Variants in CDH13 observed in about 807,000 individuals in gnomAD.
CDH13 encodes the protein cadherin 13, also known as cadherin-13.
A neutral mutation model predicts 63.8 loss-of-function variants in CDH13; 24 were observed. The observed-to-expected ratio is 0.38, with a 90% CI of 0.27 to 0.53. CDH13 has a LOEUF of 0.53. CDH13 is among the 20% of genes least tolerant of loss of function. The pLI is 0.85. For missense variants in CDH13, 1,049 were observed against 903.1 expected, an observed-to-expected ratio of 1.16 and a Z score of -2.07; for synonymous variants, 503 against 355.3, an observed-to-expected ratio of 1.42 and a Z score of -4.67.
intron 6 of CDH13, among the ~76,000 whole-genome samples, chr16:83,373,260 G>A (rs2091404551): frequency 6.6e-6 from 1 of 152,182 alleles, no homozygotes; most frequent in South Asian, 2.1e-4. Context: ...GTTACAAAGG[G>A]GAATTGCAAA....
At chr16:83,445,102 G>C (rs2072636382) in intron 6 of CDH13, among the ~76,000 whole-genome samples, 1 of 152,026 alleles carries the variant, frequency 6.6e-6, no homozygotes, top group Admixed American at 6.6e-5. Flanking sequence ...CATGGCAGTG[G>C]AGTCTGAATA....
In CDH13 at chr16:83,577,160, T is replaced by A. The variant is rs1910192418; in HGVS notation, c.961-25294T>A. On this transcript the variant is annotated intron_variant, in intron 7 of 13. Coordinates refer to ENST00000567109, the MANE Select transcript of CDH13 (RefSeq NM_001257.5). ...CTTTCACTTCCATCCAAGCATCAGGTCACATGGTGCCGTCATAGCTGCAGA... is the reference window on the plus strand; with the variant it reads ...CTTTCACTTCCATCCAAGCATCAGGACACATGGTGCCGTCATAGCTGCAGA... Among the ~76,000 whole-genome samples, 3 of 152,178 alleles carry A rather than the reference T, an allele frequency of 2.0e-5. 1 individual carries two copies. In the South Asian group the frequency reaches 6.2e-4, roughly 31 times the overall value.
chr16:83,719,132 T>C (rs1909339614), intron 10 of CDH13, among the ~76,000 whole-genome samples: 2 of 152,210 alleles, frequency 1.3e-5, no homozygotes, highest in African/African-American at 2.4e-5. Flanking sequence ...CTTCTGCCTC[T>C]CTTTCAGACA....
At chr16:83,390,456 C>CTT (rs113553312) in intron 6 of CDH13, among the ~76,000 whole-genome samples, 43,402 of 149,028 alleles carry the variant, frequency 0.29, 8,606 homozygotes, top group African/African-American at 0.58. Flanking sequence ...TTTACAAATA[C>CTT]TTTTTTTTTT....
In CDH13 at chr16:83,481,089, A is replaced by T. The variant is rs116115296; in HGVS notation, c.782-5388A>T. ...CTGGTGAGTTTGATGCTTGACAACG[A>T]TGTGCCATTTTGTCACATCAAAGAG... On this transcript the variant is annotated intron_variant, in intron 6 of 13. Coordinates refer to ENST00000567109, the MANE Select transcript of CDH13 (RefSeq NM_001257.5). Among the ~76,000 whole-genome samples, 583 of 152,284 alleles carry T rather than the reference A, an allele frequency of 3.8e-3. 1 individual carries two copies. Among genetic ancestry groups the T allele is most frequent in the African/African-American group, 0.014 (563 of 41,556 alleles).
chr16:83,337,251 A>G (rs1294991353), intron 5 of CDH13, among the ~76,000 whole-genome samples: 1 of 152,164 alleles, frequency 6.6e-6, no homozygotes, highest in Non-Finnish European at 1.5e-5. Context: ...ACAGTATGGA[A>G]AGAGAGTAGA....
At chr16:82,855,180 C>T (rs1263843216) in intron 1 of CDH13, among the ~76,000 whole-genome samples, 1 of 152,176 alleles carries the variant, frequency 6.6e-6, no homozygotes, top group Admixed American at 6.5e-5. Context: ...GAGTCAGCAG[C>T]TGGAAAAGGT....
intron 7 of CDH13, among the ~76,000 whole-genome samples, chr16:83,575,704 T>C (rs1905042395): frequency 6.6e-6 from 1 of 152,228 alleles, no homozygotes; most frequent in Non-Finnish European, 1.5e-5. Context: ...AGAAGCTTCC[T>C]GGTCTCTGAG....
At chr16:83,105,576 C>A (rs9930697) in intron 3 of CDH13, among the ~76,000 whole-genome samples, 13,871 of 151,820 alleles carry the variant, frequency 0.091, 2,118 homozygotes, top group African/African-American at 0.32. Flanking sequence ...AGGAAAACTC[C>A]AAAAACTTCT....
intron 1 of CDH13, among the ~76,000 whole-genome samples, chr16:82,770,962 G>A (rs1462048): frequency 0.011 from 1,622 of 152,152 alleles, 32 homozygotes; most frequent in African/African-American, 0.038. Flanking sequence ...CAATCCCCCC[G>A]CTTCGGCCTC....
At chr16:82,759,327 C>A (rs1369382868) in intron 1 of CDH13, among the ~76,000 whole-genome samples, 1 of 152,150 alleles carries the variant, frequency 6.6e-6, no homozygotes, top group African/African-American at 2.4e-5. Context: ...TTGCCTCAGG[C>A]TTTGCTTTTG....
chr16:82,767,706 A>C (rs1034682127), intron 1 of CDH13, among the ~76,000 whole-genome samples: 2 of 151,986 alleles, frequency 1.3e-5, no homozygotes, highest in Admixed American at 6.6e-5. Flanking sequence ...AACTTTTCCA[A>C]AGTCTGCATT....
chr16:83,559,805 G>A (rs992966186), intron 7 of CDH13, among the ~76,000 whole-genome samples: 2 of 152,100 alleles, frequency 1.3e-5, no homozygotes, highest in Admixed American at 6.6e-5. Flanking sequence ...CCAAGAAGCC[G>A]AAGGCACCAC....
At chr16:83,769,384 C>G (rs1438280807) in intron 11 of CDH13, among the ~76,000 whole-genome samples, 1 of 152,188 alleles carries the variant, frequency 6.6e-6, no homozygotes, top group Non-Finnish European at 1.5e-5. Context: ...AACTGAGGAA[C>G]TGGTTAGCCA....
intron 2 of CDH13, among the ~76,000 whole-genome samples, chr16:82,913,212 A>G (rs942495472): frequency 3.9e-5 from 6 of 152,150 alleles, no homozygotes; most frequent in African/African-American, 1.4e-4. Flanking sequence ...TACAAAATGA[A>G]TTGGAGTTTA....
At chr16:82,890,228 C>G (rs780347041) in intron 2 of CDH13, among the ~76,000 whole-genome samples, 1 of 152,150 alleles carries the variant, frequency 6.6e-6, no homozygotes, top group African/African-American at 2.4e-5. Flanking sequence ...GACCTGAGAG[C>G]CTGTCCCAAA....
chr16:83,695,273 T>TG (rs1905265341), intron 10 of CDH13, among the ~76,000 whole-genome samples: 1 of 152,232 alleles, frequency 6.6e-6, no homozygotes, highest in African/African-American at 2.4e-5. Context: ...GCAGGATCAT[T>TG]GTTACTGATT....
chr16:83,069,426 C>T (rs978119962), intron 3 of CDH13, among the ~76,000 whole-genome samples: 1 of 152,136 alleles, frequency 6.6e-6, no homozygotes, highest in Non-Finnish European at 1.5e-5. Flanking sequence ...CTACTACGTG[C>T]CAGGCATTGT....
At chr16:82,956,930 T>A (rs1393704210) in intron 2 of CDH13, among the ~76,000 whole-genome samples, 1 of 152,166 alleles carries the variant, frequency 6.6e-6, no homozygotes, top group African/African-American at 2.4e-5. Context: ...CAGTTCTAGA[T>A]TGACATGGTG....
Sources: allele counts gnomAD v4.1 joint callset (sites outside exome capture counted in the v4.1 genomes callset), GRCh38; gene constraint gnomAD v4.1.1; transcripts MANE v1.5; gene names NCBI Gene and HGNC (gene_info 2026-07-23, HGNC 2026-07-21).